Variants in PDE12 observed in about 807,000 individuals in gnomAD.
PDE12 encodes phosphodiesterase 12, also known as 2',5'-phosphodiesterase 12.
Under a neutral mutation model 45.4 loss-of-function variants are expected in PDE12, and 26 were observed. The ratio of observed to expected loss-of-function variants is 0.57; its 90% confidence interval spans 0.42 to 0.79. The LOEUF (loss-of-function observed/expected upper bound fraction) is 0.79, where lower values mean the gene tolerates loss of function less well. PDE12 is among the 30% of genes least tolerant of loss of function. The probability of loss-of-function intolerance (pLI) is 0.00; values close to 1 mark genes in which losing one functional copy is unlikely to be tolerated. For missense variants in PDE12, 668 were observed against 790.0 expected (o/e 0.85, Z 1.85); for synonymous variants, 283 against 323.9 (o/e 0.87, Z 1.36).
chr3:57,628,962 C>A, the PDE12 span: 15 of 1,301,172 alleles, frequency 1.2e-5, no homozygotes, highest in East Asian at 3.5e-4. Flanking sequence ...GGTAAGGCTA[C>A]TGTGAAGGAA....
chr3:57,570,867 A>C (rs552424789), downstream of PDE12, among the ~76,000 whole-genome samples: 3 of 152,206 alleles, frequency 2.0e-5, no homozygotes, highest in South Asian at 4.2e-4. Flanking sequence ...TGTTTAATTA[A>C]CCTTAACTAA....
In PDE12 at chr3:57,557,095, A is replaced by G. The variant is rs779435106; in HGVS notation, c.716A>G (p.Asn239Ser). 1.5e-5 allele frequency: 24 copies of G among 1,613,878 alleles called. No homozygotes were observed. Among genetic ancestry groups the G allele is most frequent in the South Asian group, 6.6e-5 (6 of 91,080 alleles). ...GAGGAGCGTGTCTACACCCCGTCCA[A>G]TGCCGACATCGGGCTAAGGCTCAAG... The part of the protein sequence containing the change: ...DVEERVYTPS[N>S]ADIGLRLKLH... Residue 239 changes from asparagine to serine, a missense_variant, in exon 1 of 3, where the codon AAT becomes AGT. Coordinates refer to ENST00000311180, the MANE Select transcript of PDE12 (RefSeq NM_177966.7).
At position 57,559,642 on chromosome 3, in the gene PDE12, C is replaced by T. The variant is rs1288286103; in HGVS notation, c.1468C>T (p.Pro490Ser). 3 of 1,613,954 alleles carry T rather than the reference C, an allele frequency of 1.9e-6. No homozygotes were observed. Among genetic ancestry groups the T allele is most frequent in the Admixed American group, 1.7e-5 (1 of 59,996 alleles). ...HVSCDLYPGI[P>S]VIFCGDFNST... ...TTCATGTGATCTGTATCCTGGCATACCAGTTATATTTTGTGGGGACTTTAA... is the reference window on the plus strand; with the variant it reads ...TTCATGTGATCTGTATCCTGGCATATCAGTTATATTTTGTGGGGACTTTAA... Residue 490 changes from proline to serine, a missense_variant, in exon 3 of 3, where the codon CCA becomes TCA. This residue lies in a region of PDE12 where 580 missense variants were observed against 662.9 expected (regional missense o/e 0.87). Transcript: ENST00000311180.
the PDE12 span, among the ~76,000 whole-genome samples, chr3:57,623,169 G>A: frequency 6.6e-6 from 1 of 152,108 alleles, no homozygotes; most frequent in Non-Finnish European, 1.5e-5. Context: ...CAGCACTTTG[G>A]GAGGTGGAGG....
the PDE12 span, among the ~76,000 whole-genome samples, chr3:57,624,938 C>T: frequency 4.5e-4 from 68 of 152,128 alleles, no homozygotes; most frequent in African/African-American, 1.5e-3. Context: ...CTTGCTCTGT[C>T]ACCCAGGCGG....
the PDE12 span, chr3:57,630,590 C>G: frequency 1.6e-5 from 25 of 1,527,410 alleles, no homozygotes; most frequent in Non-Finnish European, 2.0e-5. Flanking sequence ...AATACCTTTC[C>G]TAGTCAGAGA....
At chr3:57,579,133 C>T in the PDE12 span, among the ~76,000 whole-genome samples, 1 of 146,540 alleles carries the variant, frequency 6.8e-6, no homozygotes, top group Non-Finnish European at 1.5e-5. Flanking sequence ...ACTAAAAATA[C>T]AAAAATTAGC....
At chr3:57,582,806 C>A in the PDE12 span, among the ~76,000 whole-genome samples, 1 of 152,096 alleles carries the variant, frequency 6.6e-6, no homozygotes, top group Non-Finnish European at 1.5e-5. Flanking sequence ...GTAGAAAACA[C>A]AATCGAGGTG....
At chr3:57,628,798 T>C in the PDE12 span, 4 of 1,607,422 alleles carry the variant, frequency 2.5e-6, no homozygotes, top group Non-Finnish European at 3.4e-6. Flanking sequence ...CTTTGGCTGT[T>C]TTGGCTACAT....
At chr3:57,618,813 GCC>G in the PDE12 span, among the ~76,000 whole-genome samples, 1 of 151,548 alleles carries the variant, frequency 6.6e-6, no homozygotes, top group Non-Finnish European at 1.5e-5. Context: ...TCACCATGTT[GCC>G]CAGGCTAGTC....
the PDE12 span, chr3:57,596,853 G>T: frequency 1.9e-6 from 1 of 535,990 alleles, no homozygotes; most frequent in East Asian, 3.3e-5. Flanking sequence ...AAGAAATCTT[G>T]CCCGAAGCCC....
chr3:57,581,829 A>G, the PDE12 span, among the ~76,000 whole-genome samples: 1 of 152,210 alleles, frequency 6.6e-6, no homozygotes, highest in Non-Finnish European at 1.5e-5. Context: ...GGTAGAGCAC[A>G]TTAGAGATGA....
At chr3:57,624,286 G>C in the PDE12 span, among the ~76,000 whole-genome samples, 4 of 151,950 alleles carry the variant, frequency 2.6e-5, no homozygotes, top group South Asian at 8.3e-4. Flanking sequence ...CAGTAGCTAC[G>C]AATACAGGCG....
At chr3:57,572,378 T>TA in the PDE12 span, 1 of 1,102,506 alleles carries the variant, frequency 9.1e-7, no homozygotes, top group Non-Finnish European at 1.4e-6. Context: ...TAATCAAACT[T>TA]AAGAGTCTTT....
chr3:57,556,742 C>T lies in PDE12; in HGVS notation c.363C>T (p.Pro121=), dbSNP rs1238953582. The change falls in exon 1 of 3, where the codon CCC becomes CCT. Residue 121 remains proline (P), a synonymous_variant. Coordinates refer to ENST00000311180, the MANE Select transcript of PDE12 (RefSeq NM_177966.7). This position sits in a 1 kb window ranked among gnomAD's most constrained non-coding sequence, Gnocchi z 5.0. ...CTGAGCCGGCTGTGTTCTGCGAGCC[C>T]GTGGTGAAGCTGTACTACCGGGAAG... is the stretch of plus-strand genomic sequence containing the variant. ...PGPEPAVFCE[P]VVKLYYREEA... 1.3e-6 allele frequency: 2 copies of T among 1,598,218 alleles called. No homozygotes were observed. Among genetic ancestry groups the T allele is most frequent in the East Asian group, 2.2e-5 (1 of 44,548 alleles).
At chr3:57,583,825 A>G in the PDE12 span, 13 of 1,017,274 alleles carry the variant, frequency 1.3e-5, no homozygotes, top group Non-Finnish European at 2.0e-5. Flanking sequence ...CCAAGTAAAT[A>G]CTAGATACTA....
chr3:57,580,960 T>A, the PDE12 span, among the ~76,000 whole-genome samples: 1 of 152,266 alleles, frequency 6.6e-6, no homozygotes, highest in South Asian at 2.1e-4. Context: ...GTGACATTAT[T>A]GAGAAGGAGA....
At chr3:57,604,626 T>C in the PDE12 span, among the ~76,000 whole-genome samples, 22 of 32,024 alleles carry the variant, frequency 6.9e-4, no homozygotes, top group African/African-American at 2.5e-3. Flanking sequence ...TTGGGGGGGG[T>C]GGGTGGGACA....
the PDE12 span, among the ~76,000 whole-genome samples, chr3:57,655,389 T>A: frequency 6.6e-6 from 1 of 152,198 alleles, no homozygotes; most frequent in South Asian, 2.1e-4. Flanking sequence ...AACAATATTA[T>A]GTAATTCATA....
Sources: allele counts gnomAD v4.1 joint callset (sites outside exome capture counted in the v4.1 genomes callset), GRCh38; gene constraint gnomAD v4.1.1; regional missense constraint gnomAD v4.1.1; non-coding constraint Gnocchi (gnomAD v3.1); transcripts MANE v1.5; gene names NCBI Gene and HGNC (gene_info 2026-07-23, HGNC 2026-07-21).